Variants in PSMD14 observed in about 807,000 individuals in gnomAD.
PSMD14 encodes the protein ubiquitin C-terminal hydrolase PSMD14.
PSMD14 carries 7 observed loss-of-function variants against 41.2 expected under a neutral mutation model. The observed-to-expected ratio is 0.17, with a 90% CI of 0.10 to 0.32. The LOEUF (loss-of-function observed/expected upper bound fraction) is 0.32. Ranked by LOEUF, PSMD14 falls within the 10% of genes least tolerant of loss-of-function variation. The probability of loss-of-function intolerance (pLI) is 1.00; values close to 1 mark genes in which losing one functional copy is unlikely to be tolerated. For synonymous variants in PSMD14, 114 were observed against 122.3 expected (o/e 0.93, Z 0.45); for missense variants, 139 against 375.6 (o/e 0.37, Z 5.21).
intron 3 of PSMD14, among the ~76,000 whole-genome samples, chr2:161,323,213 T>C (rs1682636018): frequency 6.6e-6 from 1 of 152,248 alleles, no homozygotes; most frequent in African/African-American, 2.4e-5. Flanking sequence ...TTGGCCTATT[T>C]TTAGTTCTCT....
intron 11 of PSMD14, among the ~76,000 whole-genome samples, chr2:161,410,898 C>T (rs939878668): frequency 2.0e-5 from 3 of 151,944 alleles, no homozygotes; most frequent in Non-Finnish European, 2.9e-5. Context: ...TTGGTATGTC[C>T]GCTTTGAATT....
At chr2:161,397,946 CTT>C (rs1350255254) in intron 10 of PSMD14, among the ~76,000 whole-genome samples, 6 of 152,108 alleles carry the variant, frequency 3.9e-5, no homozygotes, top group Non-Finnish European at 7.4e-5. Flanking sequence ...AAAGTTATGA[CTT>C]AAGTAATTAT....
chr2:161,400,171 C>G (rs188176118), intron 10 of PSMD14, among the ~76,000 whole-genome samples: 40 of 152,304 alleles, frequency 2.6e-4, no homozygotes, highest in African/African-American at 9.4e-4. Context: ...AGGTATGTCT[C>G]ATATTTCAAG....
chr2:161,357,589 A>G (rs1667725702), intron 3 of PSMD14, among the ~76,000 whole-genome samples: 1 of 152,174 alleles, frequency 6.6e-6, no homozygotes. Flanking sequence ...GGATATGTGC[A>G]TTTTAGTTTC....
At chr2:161,368,272 A>G (rs1379607573) in intron 5 of PSMD14, among the ~76,000 whole-genome samples, 3 of 152,092 alleles carry the variant, frequency 2.0e-5, no homozygotes, top group African/African-American at 4.8e-5. Context: ...CAACTCACAT[A>G]TACTGGTTCT....
rs1553508300 is a variant in PSMD14, at chr2:161,391,096, CTATA to C, written c.571-5_571-2del. The stretch of plus-strand genomic sequence containing the variant: ...ATTTGTCCTTTTTAAAATCATTTAT[CTATA>C]TAGGCATTAATTCATGGACTAAACA... On this transcript the variant is annotated splice_region_variant and splice_polypyrimidine_tract_variant and intron_variant, in intron 8 of 11. Coordinates refer to ENST00000409682, the MANE Select transcript of PSMD14 (RefSeq NM_005805.6). 3 of 1,475,566 alleles carry C rather than the reference CTATA, an allele frequency of 2.0e-6. No homozygotes were observed. Among genetic ancestry groups the C allele is most frequent in the Non-Finnish European group, 2.7e-6 (3 of 1,111,210 alleles). 91.4% of individuals were successfully genotyped at this position (1,475,566 alleles called of 1,614,324 possible). A position where few individuals can be genotyped will look rare whatever the true frequency, so the allele number is the denominator to read the frequency against.
chr2:161,341,103 C>G (rs2105241760), intron 3 of PSMD14: 1 of 1,454,892 alleles, frequency 6.9e-7, no homozygotes, highest in Non-Finnish European at 9.1e-7. Context: ...CGCGGGCTCT[C>G]CAGGCTCCTC....
chr2:161,316,811 G>A (rs1689152699), intron 2 of PSMD14, among the ~76,000 whole-genome samples: 1 of 152,090 alleles, frequency 6.6e-6, no homozygotes, highest in African/African-American at 2.4e-5. Context: ...CCTCTTTGCT[G>A]TGATATCTAA....
rs1009831229 is a variant in PSMD14, at chr2:161,408,907, G to A, written c.834+8G>A. 6.3e-6 allele frequency: 10 copies of A among 1,590,232 alleles called. No homozygotes were observed. Among genetic ancestry groups the A allele is most frequent in the Non-Finnish European group, 8.6e-6 (10 of 1,161,084 alleles). On this transcript the variant is annotated splice_region_variant and intron_variant, in intron 11 of 11. Coordinates refer to ENST00000409682, the MANE Select transcript of PSMD14 (RefSeq NM_005805.6). ...AAGAATGTTGGCAAGCAGGTGAGGT[G>A]TACTGTTAATAAGTTATGCAGTTGC...
intron 3 of PSMD14, among the ~76,000 whole-genome samples, chr2:161,326,250 C>T (rs961034695): frequency 3.3e-5 from 5 of 152,058 alleles, no homozygotes; most frequent in African/African-American, 7.2e-5. Context: ...GGGCTGGTCT[C>T]GAACTTCTGA....
chr2:161,333,522 G>A (rs571254255), intron 3 of PSMD14, among the ~76,000 whole-genome samples: 54 of 152,324 alleles, frequency 3.5e-4, no homozygotes, highest in African/African-American at 1.3e-3. Context: ...AAAAACCCAG[G>A]GCTCTGGAGT....
intron 3 of PSMD14, among the ~76,000 whole-genome samples, chr2:161,331,480 G>A (rs186072060): frequency 1.5e-3 from 228 of 152,074 alleles, no homozygotes; most frequent in Non-Finnish European, 2.6e-3. Context: ...GGCTGGTCTC[G>A]AACTCCTGAC....
intron 7 of PSMD14, among the ~76,000 whole-genome samples, chr2:161,373,592 CCT>C (rs1406348315): frequency 6.6e-6 from 1 of 151,624 alleles, no homozygotes; most frequent in Non-Finnish European, 1.5e-5. Context: ...TAAGAGTCTC[CCT>C]CTCCCTTTTC....
intron 10 of PSMD14, among the ~76,000 whole-genome samples, chr2:161,405,343 C>T (rs538661267): frequency 3.9e-4 from 59 of 152,310 alleles, no homozygotes; most frequent in African/African-American, 1.4e-3. Context: ...TACTTAACCC[C>T]TATGTCCCCA....
intron 5 of PSMD14, among the ~76,000 whole-genome samples, chr2:161,368,422 C>T (rs1258741243): frequency 1.3e-5 from 2 of 151,836 alleles, no homozygotes; most frequent in Non-Finnish European, 2.9e-5. Flanking sequence ...ATATTTTTTT[C>T]CCAGGCATGG....
At chr2:161,351,870 A>C (rs1683122973) in intron 3 of PSMD14, among the ~76,000 whole-genome samples, 1 of 152,182 alleles carries the variant, frequency 6.6e-6, no homozygotes, top group Non-Finnish European at 1.5e-5. Context: ...GAAGAGGGTC[A>C]CATGTTCATA....
rs183846639 is a variant in PSMD14, at chr2:161,340,954, C to A, written c.48+22081C>A. The A allele has an allele frequency of 3.1e-5, 50 of 1,613,408 alleles. No individual in the cohort carries two copies. The East Asian group carries it at 1.1e-3, about 36-fold the overall frequency. ...TCCTCAGGCCCTTCCGATGATGGCC[C>A]CTTCTCACCATCCAAGTCCTGCTCC... On this transcript the variant is annotated intron_variant, in intron 3 of 11. Coordinates refer to ENST00000409682, the MANE Select transcript of PSMD14 (RefSeq NM_005805.6).
chr2:161,391,688 C>T (rs1683713953), intron 9 of PSMD14, among the ~76,000 whole-genome samples: 1 of 152,000 alleles, frequency 6.6e-6, no homozygotes, highest in Non-Finnish European at 1.5e-5. Context: ...AACTTTTAGG[C>T]CCAAGGGATC....
rs532469212 is a variant in PSMD14 at position 161,341,826 on chromosome 2, A to G, written c.48+22953A>G. Reference sequence around the variant, plus strand: ...GCACTCCAGCCTGGGAGACAGAACAAGTCTCCTTCTCCAAAAAAAAAAAAA... The same window carrying G: ...GCACTCCAGCCTGGGAGACAGAACAGGTCTCCTTCTCCAAAAAAAAAAAAA... On this transcript the variant is annotated intron_variant, in intron 3 of 11. Transcript: ENST00000409682. Among the ~76,000 whole-genome samples, 130 of 148,156 alleles carry G rather than the reference A, an allele frequency of 8.8e-4. No individual in the cohort carries two copies. The South Asian group carries it at 0.013, about 15-fold the overall frequency.
Sources: allele counts gnomAD v4.1 joint callset (sites outside exome capture counted in the v4.1 genomes callset), GRCh38; gene constraint gnomAD v4.1.1; transcripts MANE v1.5; gene names NCBI Gene and HGNC (gene_info 2026-07-23, HGNC 2026-07-21).